Variants in EXOC6 observed in about 807,000 individuals in gnomAD.
The protein encoded by EXOC6 is SEC15-like 1.
EXOC6 carries 60 observed loss-of-function variants against 112.5 expected under a neutral mutation model. The observed-to-expected ratio is 0.53, with a 90% CI of 0.43 to 0.66. The LOEUF (loss-of-function observed/expected upper bound fraction) is 0.66, where lower values mean the gene tolerates loss of function less well. Among genes scored for constraint, EXOC6 ranks in the 30% least tolerant of loss-of-function variants. The pLI is 0.00. For missense variants in EXOC6, 855 were observed against 957.1 expected, an observed-to-expected ratio of 0.89 and a Z score of 1.41; for synonymous variants, 295 against 308.0, an observed-to-expected ratio of 0.96 and a Z score of 0.44.
chr10:92,856,810 GT>G (rs1195640728), intron 1 of EXOC6, among the ~76,000 whole-genome samples: 3 of 152,078 alleles, frequency 2.0e-5, no homozygotes, highest in African/African-American at 7.2e-5. Flanking sequence ...TTCAGGCTCT[GT>G]TGTTAGATGC....
intron 1 of EXOC6, among the ~76,000 whole-genome samples, chr10:92,870,534 C>T (rs1036989135): frequency 6.6e-6 from 1 of 152,032 alleles, no homozygotes; most frequent in Non-Finnish European, 1.5e-5. Flanking sequence ...GGCTAGTATG[C>T]TTTTAAAGAT....
chr10:92,961,261 G>C (rs913246432), intron 17 of EXOC6, among the ~76,000 whole-genome samples: 1 of 152,076 alleles, frequency 6.6e-6, no homozygotes, highest in Non-Finnish European at 1.5e-5. Flanking sequence ...TTGATGGAGT[G>C]TTCCTTTGTA....
chr10:92,848,956 C>A (rs944953818), intron 1 of EXOC6, among the ~76,000 whole-genome samples: 3 of 152,160 alleles, frequency 2.0e-5, no homozygotes, highest in Admixed American at 6.5e-5. Context: ...GGCCCCCGGG[C>A]CCGAGGACAC....
Position 92,909,538 on chromosome 10 carries a change from G to C in EXOC6, c.570G>C (p.Glu190Asp). The C allele has an allele frequency of 6.2e-7, 1 of 1,613,302 alleles. No individual in the cohort carries two copies. Among genetic ancestry groups the C allele is most frequent in the Non-Finnish European group, 8.5e-7 (1 of 1,179,454 alleles). The stretch of plus-strand genomic sequence containing the variant: ...TAGAAAATCTTCCCAAACTCCGTGA[G>C]GATATTAAAGAAATCTCCATGTCTG... The part of the protein sequence containing the change: ...LMIENLPKLR[E>D]DIKEISMSDL... The change falls in exon 6 of 22, where the codon GAG (glutamate) becomes GAC (aspartate). Residue 190 changes from glutamate to aspartate, a missense_variant. Physicochemically the swap from Glu to Asp is conservative, Grantham distance 45. Coordinates refer to ENST00000260762, the MANE Select transcript of EXOC6 (RefSeq NM_019053.6).
intron 13 of EXOC6, among the ~76,000 whole-genome samples, chr10:92,942,833 T>TG (rs1490669339): frequency 6.6e-6 from 1 of 152,130 alleles, no homozygotes; most frequent in African/African-American, 2.4e-5. Flanking sequence ...TCCTCAAGAC[T>TG]GGGGAAACCA....
At chr10:92,906,102 C>G (rs559693853) in intron 5 of EXOC6, among the ~76,000 whole-genome samples, 1 of 152,062 alleles carries the variant, frequency 6.6e-6, no homozygotes, top group Admixed American at 6.5e-5. Flanking sequence ...GTTCGTTATC[C>G]CTAATAATTT....
chr10:92,997,810 C>G (rs1843563419), intron 19 of EXOC6, among the ~76,000 whole-genome samples, 195 bp downstream of exon 19: 1 of 152,164 alleles, frequency 6.6e-6, no homozygotes, highest in Admixed American at 6.5e-5. Context: ...TTTAGGGCCT[C>G]TAGAGAGAGG....
chr10:92,895,709 A>G (rs984797270), intron 4 of EXOC6, among the ~76,000 whole-genome samples: 14 of 151,124 alleles, frequency 9.3e-5, no homozygotes, highest in African/African-American at 3.4e-4. Flanking sequence ...TTAATTTTTA[A>G]TTTTTTTAGG....
At chr10:93,047,994 C>T (rs990980809) in intron 20 of EXOC6, among the ~76,000 whole-genome samples, 1 of 152,076 alleles carries the variant, frequency 6.6e-6, no homozygotes, top group Non-Finnish European at 1.5e-5. Context: ...AGACACAAAG[C>T]AAACTAAATC....
At chr10:93,008,544 T>C in intron 19 of EXOC6, among the ~76,000 whole-genome samples, 1 of 152,156 alleles carries the variant, frequency 6.6e-6, no homozygotes, top group East Asian at 1.9e-4. Flanking sequence ...ATATACAAAA[T>C]GAGAATCTGA....
intron 1 of EXOC6, among the ~76,000 whole-genome samples, chr10:92,891,921 A>G (rs1849522996): frequency 6.6e-6 from 1 of 152,230 alleles, no homozygotes; most frequent in African/African-American, 2.4e-5. Context: ...TATTTTAAAT[A>G]CAAAACATGT....
intron 15 of EXOC6, among the ~76,000 whole-genome samples, chr10:92,954,233 T>C (rs1460091174): frequency 1.3e-5 from 2 of 152,256 alleles, no homozygotes; most frequent in East Asian, 3.9e-4. Flanking sequence ...TGAGCTATAA[T>C]TGCACCACTG....
At chr10:92,997,343 A>C in intron 18 of EXOC6, 131 bp from the exon 19 acceptor site, 1 of 693,540 alleles carries the variant, frequency 1.4e-6, no homozygotes, top group Non-Finnish European at 2.2e-6. Context: ...AGAAACAGGA[A>C]GGAAAGTAAC....
intron 18 of EXOC6, among the ~76,000 whole-genome samples, chr10:92,993,663 CTTG>C (rs1390859838): frequency 6.6e-6 from 1 of 151,992 alleles, no homozygotes; most frequent in African/African-American, 2.4e-5. Context: ...GTGTTTTTAC[CTTG>C]TTATTTTATG....
chr10:93,009,932 A>G (rs1252866992), intron 19 of EXOC6, among the ~76,000 whole-genome samples: 1 of 152,222 alleles, frequency 6.6e-6, no homozygotes, highest in Non-Finnish European at 1.5e-5. Context: ...TGTAAATCCT[A>G]CTGGAAGAAG....
In EXOC6 at chr10:92,997,570, A is replaced by C; in HGVS notation, c.2050A>C (p.Met684Leu). The change falls in exon 19 of 22, where the codon ATG (methionine) becomes CTG (leucine). Residue 684 changes from methionine (M) to leucine (L), a missense_variant. Physicochemically the swap from Met to Leu is conservative, Grantham distance 15. Transcript: ENST00000260762. ...LLDSELKQISMGAVQQFNLDV... is the reference protein window; with the variant it reads ...LLDSELKQISLGAVQQFNLDV... ...GGACAGTGAGTTAAAACAAATAAGCATGGGAGCTGTTCAGCAGTTTAACTT... is the reference window on the plus strand; with the variant it reads ...GGACAGTGAGTTAAAACAAATAAGCCTGGGAGCTGTTCAGCAGTTTAACTT... 6.2e-7 allele frequency: 1 copy of C among 1,613,750 alleles called. No individual in the cohort carries two copies. The highest frequency in any genetic ancestry group is 8.5e-7 in the Non-Finnish European group (1 of 1,179,752).
At chr10:92,935,338 A>G (rs1371213123) in intron 11 of EXOC6, among the ~76,000 whole-genome samples, 1 of 152,052 alleles carries the variant, frequency 6.6e-6, no homozygotes, top group Non-Finnish European at 1.5e-5. Context: ...TAAATACAGC[A>G]TATCACTTTC....
At chr10:92,934,897 A>G (rs938542588) in intron 11 of EXOC6, among the ~76,000 whole-genome samples, 1 of 152,092 alleles carries the variant, frequency 6.6e-6, no homozygotes, top group Admixed American at 6.6e-5. Flanking sequence ...GTGTAATGAG[A>G]GGTTTTTATA....
rs762264610 is a variant in EXOC6 at position 92,935,875 on chromosome 10, A to G, written c.1202A>G (p.Asp401Gly). ...ELKNLTVIFA[D>G]TLQGYGFPVN... ...AAGAATCTTACTGTAATATTTGCAG[A>G]TACTTTACAGGTGGGTGATAACCTA... Residue 401 changes from aspartate (D) to glycine (G), a missense_variant, in exon 12 of 22, where the codon GAT (aspartate) becomes GGT (glycine). Physicochemically the swap from Asp to Gly is moderately conservative, Grantham distance 94. Transcript: ENST00000260762. 1 of 1,600,672 alleles carries G rather than the reference A, an allele frequency of 6.2e-7. No homozygotes were observed. Among genetic ancestry groups the G allele is most frequent in the Non-Finnish European group, 8.5e-7 (1 of 1,169,762 alleles).
Sources: allele counts gnomAD v4.1 joint callset (sites outside exome capture counted in the v4.1 genomes callset), GRCh38; gene constraint gnomAD v4.1.1; transcripts MANE v1.5; gene names NCBI Gene and HGNC (gene_info 2026-07-23, HGNC 2026-07-21).